Variants in SHD observed in about 807,000 individuals in gnomAD.
The protein encoded by SHD is Src homology 2 domain containing transforming protein D.
A neutral mutation model predicts 31.2 loss-of-function variants in SHD; 29 were observed. The observed-to-expected ratio is 0.93, with a 90% CI of 0.69 to 1.27. SHD has a LOEUF of 1.27. Ranked by LOEUF, SHD falls within the 50% of genes most tolerant of loss-of-function variation. SHD has a pLI of 0.00. For synonymous variants in SHD, 208 were observed against 187.8 expected, an observed-to-expected ratio of 1.11 and a Z score of -0.88; for missense variants, 520 against 453.8, an observed-to-expected ratio of 1.15 and a Z score of -1.33.
intron 4 of SHD, among the ~76,000 whole-genome samples, chr19:4,285,203 G>A (rs1371484381): frequency 2.0e-5 from 3 of 152,140 alleles, no homozygotes; most frequent in Non-Finnish European, 4.4e-5. Flanking sequence ...ACCTCTCTGA[G>A]CCTCAGGTTC....
At chr19:4,287,883 T>G (rs965522256) in intron 4 of SHD, among the ~76,000 whole-genome samples, 2 of 128,652 alleles carry the variant, frequency 1.6e-5, no homozygotes, top group East Asian at 4.3e-4. Flanking sequence ...GATCCCAGAG[T>G]GTGTTTTTTT....
chr19:4,288,217 A>AT, intron 4 of SHD, 26 bp from the exon 5 acceptor site: 1 of 1,608,344 alleles, frequency 6.2e-7, no homozygotes, highest in South Asian at 1.1e-5. Flanking sequence ...ATGGCCCTTG[A>AT]TGAGACATCT....
intron 5 of SHD, among the ~76,000 whole-genome samples, chr19:4,289,319 G>A (rs1217186103): frequency 2.7e-5 from 4 of 150,310 alleles, no homozygotes; most frequent in Non-Finnish European, 1.5e-5. Context: ...CACTGTGTTA[G>A]CCAGGATGGT....
chr19:4,280,348 C>G lies in SHD; in HGVS notation c.285C>G (p.Gly95=). 6.4e-7 allele frequency: 1 copy of G among 1,570,806 alleles called. No individual in the cohort carries two copies. The highest frequency in any genetic ancestry group is 8.6e-7 in the Non-Finnish European group (1 of 1,157,790). ...DMARAKALLG[G]PGEELEADTE... ...CCAGAGCCAAGGCCCTTCTGGGCGG[C>G]CCCGGGGAGGAGGTGCGTGGCTGGG... The change falls in exon 1 of 6, where the codon GGC becomes GGG. Residue 95 remains glycine (G), a synonymous_variant. Coordinates refer to ENST00000543264, the MANE Select transcript of SHD (RefSeq NM_020209.4).
chr19:4,283,265 G>T (rs200816289), intron 3 of SHD, 23 bp downstream of exon 3: 1 of 1,596,136 alleles, frequency 6.3e-7, no homozygotes, highest in East Asian at 2.3e-5. Flanking sequence ...CCCACACTCT[G>T]ACATCTGAAT....
chr19:4,289,932 G>T (rs1359599015), intron 5 of SHD, among the ~76,000 whole-genome samples: 2 of 151,004 alleles, frequency 1.3e-5, no homozygotes, highest in East Asian at 3.9e-4. Flanking sequence ...CTGGGGTGCA[G>T]TGGCACAATA....
chr19:4,284,550 C>A, intron 3 of SHD: 1 of 374,592 alleles, frequency 2.7e-6, no homozygotes. Flanking sequence ...TCTAGCCACG[C>A]CCCTTGTGCT....
rs773015064 is a variant in SHD at position 4,288,363 on chromosome 19, G to T, written c.836+1G>T. On this transcript the variant is annotated splice_donor_variant, in intron 5 of 5. Coordinates refer to ENST00000543264, the MANE Select transcript of SHD (RefSeq NM_020209.4). LOFTEE classifies it high-confidence loss of function. ...CCCAGGACTGCTCCTTGTCTCTCAG[G>T]TGAGAACTCAGCCTCACAGGGACGA... The T allele has an allele frequency of 1.2e-6, 2 of 1,612,090 alleles. No homozygotes were observed. The highest frequency in any genetic ancestry group is 1.7e-6 in the Non-Finnish European group (2 of 1,179,136).
intron 1 of SHD, among the ~76,000 whole-genome samples, chr19:4,280,824 G>GTGGATATCTGTCCCTT (rs1971250189): frequency 6.6e-6 from 1 of 152,048 alleles, no homozygotes; most frequent in African/African-American, 2.4e-5. Flanking sequence ...ACTGCGCCCG[G>GTGGATATCTGTCCCTT]TGGATATCTG....
chr19:4,283,293 C>G (rs371235436), intron 3 of SHD, 51 bp downstream of exon 3: 3 of 1,550,234 alleles, frequency 1.9e-6, no homozygotes, highest in African/African-American at 1.4e-5. Context: ...CCCTGCATTT[C>G]CTCATCTGGT....
chr19:4,282,350 T>C (rs1205310611), intron 1 of SHD, among the ~76,000 whole-genome samples: 1 of 144,998 alleles, frequency 6.9e-6, no homozygotes, highest in East Asian at 2.0e-4. Context: ...ATCCCGGGAG[T>C]CGGAGGTTGC....
Position 4,279,793 on chromosome 19 carries a change from A to C in SHD, c.-271A>C. 1 of 477,078 alleles carries C rather than the reference A, an allele frequency of 2.1e-6. No homozygotes were observed. The highest frequency in any genetic ancestry group is 3.7e-6 in the Non-Finnish European group (1 of 271,200). The allele number at this position is 477,078 out of a possible 1,614,324, so 29.6% of individuals were successfully genotyped here. On this transcript the variant is annotated 5_prime_UTR_variant, in exon 1 of 6. Coordinates refer to ENST00000543264, the MANE Select transcript of SHD (RefSeq NM_020209.4). This position sits in a 1 kb window ranked among gnomAD's most constrained non-coding sequence, Gnocchi z 7.5. Reference sequence around the variant, plus strand: ...AGCGCGCGGGGTTCGGGGCCCTGCGAGGTCCCCCCTTCCCCCGCGGTGCTT... The same window carrying C: ...AGCGCGCGGGGTTCGGGGCCCTGCGCGGTCCCCCCTTCCCCCGCGGTGCTT...
chr19:4,279,974 A>ACCT lies in SHD; in HGVS notation c.-77_-75dup, dbSNP rs1198201199. On this transcript the variant is annotated 5_prime_UTR_variant, in exon 1 of 6. Coordinates refer to ENST00000543264, the MANE Select transcript of SHD (RefSeq NM_020209.4). The surrounding 1 kb of genome is among the most constrained non-coding windows in gnomAD (Gnocchi z 7.5). The stretch of plus-strand genomic sequence containing the variant: ...CTTCCCTGCTCTTCCCTTCCTCTCC[A>ACCT]CCTCCTCCTCCTCCTTGGGGAAAGG... The ACCT allele has an allele frequency of 1.4e-6, 2 of 1,399,892 alleles. No homozygotes were observed. Among genetic ancestry groups the ACCT allele is most frequent in the Non-Finnish European group, 1.9e-6 (2 of 1,051,398 alleles). 86.7% of individuals were successfully genotyped at this position (1,399,892 alleles called of 1,614,324 possible).
intron 4 of SHD, among the ~76,000 whole-genome samples, chr19:4,286,254 TCTTTCTC>T (rs756029347): frequency 0.058 from 6,898 of 119,542 alleles, 327 homozygotes; most frequent in South Asian, 0.12. Flanking sequence ...TTTCTTTCTT[TCTTTCTC>T]TCTTTCTTTC....
At chr19:4,289,806 C>T (rs1322085243) in intron 5 of SHD, among the ~76,000 whole-genome samples, 3 of 150,680 alleles carry the variant, frequency 2.0e-5, no homozygotes, top group Non-Finnish European at 4.4e-5. Context: ...CTCCTGACCT[C>T]GTGATCCGCC....
chr19:4,286,258 TCTC>T (rs753631891), intron 4 of SHD, among the ~76,000 whole-genome samples: 6 of 93,474 alleles, frequency 6.4e-5, no homozygotes, highest in South Asian at 3.9e-4. Context: ...TTTCTTTCTT[TCTC>T]TCTTTCTTTC....
intron 3 of SHD, 124 bp from the exon 4 acceptor site, chr19:4,284,657 C>G (rs1971289889): frequency 8.2e-7 from 1 of 1,222,406 alleles, no homozygotes; most frequent in African/African-American, 1.6e-5. Flanking sequence ...AGCCCAGCCC[C>G]TGGGCTGTGA....
intron 1 of SHD, among the ~76,000 whole-genome samples, chr19:4,281,228 T>C (rs1320575616): frequency 6.6e-6 from 1 of 151,572 alleles, no homozygotes; most frequent in Non-Finnish European, 1.5e-5. Context: ...GAGGATTGCT[T>C]GAGCCCAGGA....
Position 4,280,145 on chromosome 19 carries a change from A to T in SHD, c.82A>T (p.Ser28Cys). Residue 28 changes from serine (S) to cysteine (C), a missense_variant, in exon 1 of 6, where the codon AGC becomes TGC. By Grantham distance (112) the Ser-to-Cys change is moderately radical (BLOSUM62 -1). Coordinates refer to ENST00000543264, the MANE Select transcript of SHD (RefSeq NM_020209.4). ...PQPPTPDYTESDILRAYRAQK... is the reference protein window; with the variant it reads ...PQPPTPDYTECDILRAYRAQK... ...GCCGCCCACCCCGGACTACACCGAG[A>T]GCGACATCCTGAGGGCCTACCGCGC... is the stretch of plus-strand genomic sequence containing the variant. 1 of 1,613,600 alleles carries T rather than the reference A, an allele frequency of 6.2e-7. No individual in the cohort carries two copies. The highest frequency in any genetic ancestry group is 8.5e-7 in the Non-Finnish European group (1 of 1,179,934).
Sources: allele counts gnomAD v4.1 joint callset (sites outside exome capture counted in the v4.1 genomes callset), GRCh38; gene constraint gnomAD v4.1.1; non-coding constraint Gnocchi (gnomAD v3.1); transcripts MANE v1.5; gene names NCBI Gene and HGNC (gene_info 2026-07-23, HGNC 2026-07-21).